Variants in NLRP8 observed in about 807,000 individuals in gnomAD.
NLRP8 encodes the protein NLR family pyrin domain containing 8.
In NLRP8, 86 loss-of-function variants were observed where a neutral mutation model predicts 88.7. The ratio of observed to expected loss-of-function variants is 0.97; its 90% CI spans 0.81 to 1.16. The LOEUF (loss-of-function observed/expected upper bound fraction) is 1.16, where lower values mean the gene tolerates loss of function less well. Ranked by LOEUF, NLRP8 falls within the 50% of genes most tolerant of loss-of-function variation. The pLI is 0.00. For missense variants in NLRP8, 1,342 were observed against 1,286.5 expected, an observed-to-expected ratio of 1.04 and a Z score of -0.66; for synonymous variants, 504 against 494.6, an observed-to-expected ratio of 1.02 and a Z score of -0.25.
At chr19:55,953,039 A>G (rs1979167204) in intron 2 of NLRP8, among the ~76,000 whole-genome samples, 1 of 152,176 alleles carries the variant, frequency 6.6e-6, no homozygotes, top group Non-Finnish European at 1.5e-5. Flanking sequence ...ACACAGCAGG[A>G]GGTGAGTGGC....
intron 7 of NLRP8, among the ~76,000 whole-genome samples, chr19:55,975,826 G>A (rs994017362): frequency 6.6e-6 from 1 of 152,148 alleles, no homozygotes; most frequent in Non-Finnish European, 1.5e-5. Flanking sequence ...GTTTTCCTTA[G>A]GGGTGACAAA....
rs1440558827 is a variant in NLRP8, at chr19:55,987,833, C to T, written c.3067C>T (p.Arg1023Ter). The change falls in exon 10 of 10, where the codon CGA becomes TGA. Residue 1023 changes from arginine (R) to a stop codon, truncating the protein, a stop_gained. Coordinates refer to ENST00000291971, the MANE Select transcript of NLRP8 (RefSeq NM_176811.2). LOFTEE classifies it low-confidence loss of function (END_TRUNC). ...CTCCAGCTGTATTCCTGCCTGGACT[C>T]GAATAACTAGCTTCTCCCCAACTCC... 3.7e-6 allele frequency: 6 copies of T among 1,613,872 alleles called. No individual in the cohort carries two copies. Among genetic ancestry groups the T allele is most frequent in the Non-Finnish European group, 4.2e-6 (5 of 1,179,890 alleles).
At chr19:55,964,765 A>T (rs938047444) in intron 4 of NLRP8, among the ~76,000 whole-genome samples, 2 of 151,760 alleles carry the variant, frequency 1.3e-5, no homozygotes, top group East Asian at 3.9e-4. Context: ...AAAAAAAAAA[A>T]GAAAAAAAGA....
chr19:55,955,956 T>A lies in NLRP8; in HGVS notation c.1898T>A (p.Val633Asp). 1 of 1,614,124 alleles carries A rather than the reference T, an allele frequency of 6.2e-7. No individual in the cohort carries two copies. The highest frequency in any genetic ancestry group is 8.5e-7 in the Non-Finnish European group (1 of 1,180,014). ...GCCCTAAATGATTATCATAAAGTTG[T>A]CTTGAGAATTGGCAACAACAAAGAA... Residue 633 changes from valine to aspartate, a missense_variant, in exon 3 of 10, where the codon GTC becomes GAC. Coordinates refer to ENST00000291971, the MANE Select transcript of NLRP8 (RefSeq NM_176811.2).
Position 55,975,789 on chromosome 19 carries a change from T to G in NLRP8, c.2706-344T>G, listed in dbSNP as rs190960121. Among the ~76,000 whole-genome samples, 157 of 152,196 alleles carry G rather than the reference T, an allele frequency of 1.0e-3. 1 individual carries two copies. Among genetic ancestry groups the G allele is most frequent in the African/African-American group, 3.7e-3 (152 of 41,514 alleles). On this transcript the variant is annotated intron_variant, in intron 7 of 9. Coordinates refer to ENST00000291971, the MANE Select transcript of NLRP8 (RefSeq NM_176811.2). ...GGTTGGGGTGGGTTGGGGGAGGAAG[T>G]GAGAAGTGGCTTCTAAAGTATCCAG... is the stretch of plus-strand genomic sequence containing the variant.
intron 4 of NLRP8, among the ~76,000 whole-genome samples, chr19:55,962,669 A>C (rs1979667505): frequency 6.6e-6 from 1 of 152,128 alleles, no homozygotes; most frequent in Non-Finnish European, 1.5e-5. Flanking sequence ...AGTCCCAGCT[A>C]CTTGGGAGGC....
In NLRP8 at chr19:55,988,438, G is replaced by GTATATATATATATATATATATATATATA. The variant is rs777000805; in HGVS notation, c.*526_*527insATATATATATATATATATATATATATAT. The GTATATATATATATATATATATATATATA allele has an allele frequency of 1.1e-5, 1 of 91,836 alleles. No individual in the cohort carries two copies. The highest frequency in any genetic ancestry group is 4.5e-5 in the African/African-American group (1 of 22,260). 5.7% of individuals were successfully genotyped at this position (91,836 alleles called of 1,614,324 possible). ...CATATACACATAAATATATATATGT[G>GTATATATATATATATATATATATATATA]TGTGTGTATATATATATATATATAT... On this transcript the variant is annotated 3_prime_UTR_variant, in exon 10 of 10. Coordinates refer to ENST00000291971, the MANE Select transcript of NLRP8 (RefSeq NM_176811.2).
chr19:55,972,915 C>T (rs1292147339), intron 6 of NLRP8, among the ~76,000 whole-genome samples: 2 of 150,648 alleles, frequency 1.3e-5, no homozygotes, highest in Non-Finnish European at 2.9e-5. Flanking sequence ...AATTGTGCTG[C>T]TATAAACATG....
chr19:55,963,858 A>AT (rs1979720586), intron 4 of NLRP8, among the ~76,000 whole-genome samples: 1 of 152,160 alleles, frequency 6.6e-6, no homozygotes, highest in South Asian at 2.1e-4. Flanking sequence ...ACCAGCCACT[A>AT]TTTTTTATAA....
At chr19:55,962,015 A>T in intron 3 of NLRP8, 52 bp from the exon 4 acceptor site, 1 of 1,586,246 alleles carries the variant, frequency 6.3e-7, no homozygotes, top group Non-Finnish European at 8.6e-7. Flanking sequence ...TTCCTAGTAG[A>T]TTTTCTCCAG....
intron 3 of NLRP8, among the ~76,000 whole-genome samples, chr19:55,957,180 T>A (rs901683961): frequency 3.9e-5 from 6 of 152,168 alleles, no homozygotes; most frequent in Admixed American, 6.6e-5. Context: ...ACATCCTGAA[T>A]CTGTCTTATC....
intron 9 of NLRP8, among the ~76,000 whole-genome samples, chr19:55,986,426 TCTCA>T (rs1980816804): frequency 6.8e-6 from 1 of 147,456 alleles, no homozygotes; most frequent in Non-Finnish European, 1.5e-5. Context: ...ACATTCTCTC[TCTCA>T]CACACACATG....
At chr19:55,980,935 T>C (rs921797997) in intron 9 of NLRP8, among the ~76,000 whole-genome samples, 124 bp from the exon 10 acceptor site, 1 of 152,172 alleles carries the variant, frequency 6.6e-6, no homozygotes, top group Non-Finnish European at 1.5e-5. Flanking sequence ...CTTGACCTAC[T>C]GCATGGGGCC....
intron 8 of NLRP8, 83 bp from the exon 9 acceptor site, chr19:55,979,311 G>T (rs1187812921): frequency 1.4e-6 from 2 of 1,447,954 alleles, no homozygotes; most frequent in African/African-American, 2.8e-5. Flanking sequence ...GTGATTTCTT[G>T]GCTGTAAGCC....
chr19:55,970,829 T>C, intron 6 of NLRP8, 133 bp downstream of exon 6: 1 of 1,156,848 alleles, frequency 8.6e-7, no homozygotes, highest in Non-Finnish European at 1.2e-6. Flanking sequence ...TTGTGATTGA[T>C]GTAATTATAT....
At chr19:55,974,506 T>C (rs1980219273) in intron 7 of NLRP8, among the ~76,000 whole-genome samples, 1 of 151,930 alleles carries the variant, frequency 6.6e-6, no homozygotes, top group South Asian at 2.1e-4. Context: ...CCCAGCACTT[T>C]GGGAGTCCGA....
chr19:55,970,388 C>T (rs1329341365), intron 5 of NLRP8, among the ~76,000 whole-genome samples, 156 bp from the exon 6 acceptor site: 6 of 151,996 alleles, frequency 3.9e-5, no homozygotes, highest in Non-Finnish European at 8.8e-5. Flanking sequence ...GGAGGAAGTT[C>T]CTGAGCTTGG....
At chr19:55,960,433 G>A (rs1319736372) in intron 3 of NLRP8, among the ~76,000 whole-genome samples, 1 of 152,152 alleles carries the variant, frequency 6.6e-6, no homozygotes, top group Non-Finnish European at 1.5e-5. Context: ...TTATTAGGGA[G>A]GGGAATAAAC....
chr19:55,987,938 G>A lies in NLRP8; in HGVS notation c.*25G>A, dbSNP rs369447120. On this transcript the variant is annotated 3_prime_UTR_variant, in exon 10 of 10. Transcript: ENST00000291971. Reference sequence around the variant, plus strand: ...GGCCGTCCAGTCATCTTTCTCTGGGGCTTGATTGATCAGTTCCCACTCTGA... The same window carrying A: ...GGCCGTCCAGTCATCTTTCTCTGGGACTTGATTGATCAGTTCCCACTCTGA... 8.4e-6 allele frequency: 13 copies of A among 1,551,116 alleles called. No homozygotes were observed. Among genetic ancestry groups the A allele is most frequent in the African/African-American group, 1.4e-5 (1 of 73,626 alleles).
Sources: allele counts gnomAD v4.1 joint callset (sites outside exome capture counted in the v4.1 genomes callset), GRCh38; gene constraint gnomAD v4.1.1; transcripts MANE v1.5; gene names NCBI Gene and HGNC (gene_info 2026-07-23, HGNC 2026-07-21).